Variants in DNAH7 observed in about 807,000 individuals in gnomAD.
The protein encoded by DNAH7 is axonemal beta dynein heavy chain 7.
Under a neutral mutation model 444.6 loss-of-function variants are expected in DNAH7, and 397 were observed. The observed-to-expected ratio is 0.89, with a 90% confidence interval of 0.82 to 0.97. The LOEUF is 0.97. Among genes scored for constraint, DNAH7 ranks in the 50% least tolerant of loss-of-function variants. The pLI is 0.00. For synonymous variants in DNAH7, 1,636 were observed against 1,624.4 expected (o/e 1.01, Z -0.17); for missense variants, 4,902 against 4,800.8 (o/e 1.02, Z -0.62).
chr2:195,914,733 G>A (rs1455086919), intron 24 of DNAH7, among the ~76,000 whole-genome samples: 1 of 152,030 alleles, frequency 6.6e-6, no homozygotes, highest in Admixed American at 6.5e-5. Context: ...GCAAAATCTT[G>A]GCCCACTGCA....
chr2:195,797,647 C>T (rs1272759305), intron 55 of DNAH7, among the ~76,000 whole-genome samples: 2 of 152,190 alleles, frequency 1.3e-5, no homozygotes, highest in Non-Finnish European at 2.9e-5. Context: ...TCCTACCCAC[C>T]ATTGCTCTTC....
chr2:195,924,105 T>A (rs1478770498), intron 22 of DNAH7, among the ~76,000 whole-genome samples: 1 of 152,170 alleles, frequency 6.6e-6, no homozygotes, highest in African/African-American at 2.4e-5. Flanking sequence ...CCACTCTCCA[T>A]GGCAATATGG....
chr2:195,923,454 G>A, intron 23 of DNAH7, 141 bp downstream of exon 23: 5 of 712,116 alleles, frequency 7.0e-6, no homozygotes, highest in Non-Finnish European at 9.5e-6. Context: ...TCAATATAAA[G>A]AAATGCTTAC....
At chr2:196,031,046 G>C (rs6434813) in intron 5 of DNAH7, among the ~76,000 whole-genome samples, 109,994 of 152,164 alleles carry the variant, frequency 0.72, 39,941 homozygotes, top group East Asian at 0.9. Flanking sequence ...ATCAGAGGTT[G>C]TCCATGAGGG....
At chr2:195,786,411 C>T (rs950306163) in intron 58 of DNAH7, among the ~76,000 whole-genome samples, 1 of 152,074 alleles carries the variant, frequency 6.6e-6, no homozygotes, top group African/African-American at 2.4e-5. Flanking sequence ...TCAAAAATCC[C>T]ATTGATAAAT....
intron 19 of DNAH7, among the ~76,000 whole-genome samples, chr2:195,943,311 A>T (rs1166076659): frequency 1.3e-5 from 2 of 152,194 alleles, no homozygotes; most frequent in Admixed American, 1.3e-4. Context: ...CAATATTCAT[A>T]GTAGGACCTT....
At chr2:195,876,420 A>C in intron 37 of DNAH7, 124 bp downstream of exon 37, 1 of 938,202 alleles carries the variant, frequency 1.1e-6, no homozygotes, top group South Asian at 1.8e-5. Context: ...AGAACCTTTT[A>C]ATCCAAATTT....
chr2:195,818,317 T>C (rs1697313384), intron 49 of DNAH7, among the ~76,000 whole-genome samples: 1 of 152,228 alleles, frequency 6.6e-6, no homozygotes, highest in South Asian at 2.1e-4. Context: ...TAGTTACTTG[T>C]CATGAGTGAA....
intron 60 of DNAH7, among the ~76,000 whole-genome samples, chr2:195,773,748 A>G (rs1694945440): frequency 6.6e-6 from 1 of 152,222 alleles, no homozygotes; most frequent in Non-Finnish European, 1.5e-5. Flanking sequence ...TAACCTTTTC[A>G]GAGATCCTAG....
Position 195,907,069 on chromosome 2 carries a change from GT to G in DNAH7, c.4105-61del, listed in dbSNP as rs1180430262. ...ATCTGATTCAATGTTGCAATGAAAT[GT>G]TGTATTTTCACCTGATCTTTTCAAG... On this transcript the variant is annotated intron_variant, in intron 25 of 64. Transcript: ENST00000312428. The G allele has an allele frequency of 3.8e-6, 5 of 1,322,504 alleles. No homozygotes were observed. The Admixed American group carries it at 7.9e-5, about 21-fold the overall frequency. The allele number at this position is 1,322,504 out of a possible 1,614,324, so 81.9% of individuals were successfully genotyped here. A position where few individuals can be genotyped will look rare whatever the true frequency, so the allele number is the denominator to read the frequency against.
At chr2:195,904,732 T>C (rs1285776472) in intron 27 of DNAH7, 2 of 151,938 alleles carry the variant, frequency 1.3e-5, no homozygotes, top group Non-Finnish European at 2.9e-5. Context: ...GGGGACCAGG[T>C]CAGTACAGCA....
chr2:195,872,456 C>A lies in DNAH7; in HGVS notation c.6427G>T (p.Asp2143Tyr). The A allele has an allele frequency of 6.3e-7, 1 of 1,585,188 alleles. No individual in the cohort carries two copies. The highest frequency in any genetic ancestry group is 8.6e-7 in the Non-Finnish European group (1 of 1,166,150). The change falls in exon 40 of 65, where the codon GAT becomes TAT. Residue 2143 changes from aspartate (D) to tyrosine (Y), a missense_variant. Transcript: ENST00000312428. ...TGTGTGGTCAAATCTAGAAATTCAT[C>A]TGGAAATTTATAACTTAAAAATTTT... Reference protein sequence around the residue: ...WHLEICYKFPDEFLDLTTQIV... With the variant: ...WHLEICYKFPYEFLDLTTQIV...
intron 17 of DNAH7, among the ~76,000 whole-genome samples, chr2:195,966,074 G>C (rs887575311): frequency 2.0e-5 from 3 of 151,164 alleles, no homozygotes; most frequent in Non-Finnish European, 4.4e-5. Flanking sequence ...TGTTTGTTTT[G>C]GTGTAGGTAC....
intron 49 of DNAH7, among the ~76,000 whole-genome samples, chr2:195,820,083 G>A (rs935587283): frequency 2.6e-5 from 4 of 152,126 alleles, no homozygotes; most frequent in South Asian, 2.1e-4. Context: ...ATGACCCAAG[G>A]AGCACTCTTC....
chr2:195,769,493 A>G (rs1020747865), intron 61 of DNAH7, among the ~76,000 whole-genome samples: 7 of 152,106 alleles, frequency 4.6e-5, no homozygotes, highest in Admixed American at 2.0e-4. Context: ...CAACCTTGAC[A>G]TTAAACCCTG....
chr2:196,058,199 A>C (rs926196891), intron 1 of DNAH7, 83 bp from the exon 2 acceptor site: 1 of 1,048,754 alleles, frequency 9.5e-7, no homozygotes, highest in Admixed American at 2.5e-5. Context: ...TACAGTGTTT[A>C]TTGTAAGCAT....
chr2:196,060,513 G>A lies in DNAH7; in HGVS notation c.16-2397C>T, dbSNP rs74616053. On this transcript the variant is annotated intron_variant, in intron 1 of 64. Transcript: ENST00000312428. ...CACTTGGCCTTTAATACATTTTTCA[G>A]TCAACTACTAAAGGACATTGTTTTT... Among the ~76,000 whole-genome samples the A allele has an allele frequency of 7.8e-3, 1,186 of 152,210 alleles. 11 individuals are homozygous for A. Among genetic ancestry groups the A allele is most frequent in the Middle Eastern group, 0.017 (5 of 294 alleles).
intron 19 of DNAH7, among the ~76,000 whole-genome samples, chr2:195,949,232 C>T (rs771196717): frequency 3.3e-5 from 5 of 152,140 alleles, no homozygotes; most frequent in Non-Finnish European, 7.3e-5. Context: ...ATGTCATCTG[C>T]AAACAGAGAC....
At chr2:196,046,136 T>C (rs562472882) in intron 5 of DNAH7, among the ~76,000 whole-genome samples, 2 of 151,928 alleles carry the variant, frequency 1.3e-5, no homozygotes, top group East Asian at 3.9e-4. Flanking sequence ...TTTAAATGTA[T>C]AGCTGAGCTT....
Sources: allele counts gnomAD v4.1 joint callset (sites outside exome capture counted in the v4.1 genomes callset), GRCh38; gene constraint gnomAD v4.1.1; transcripts MANE v1.5; gene names NCBI Gene and HGNC (gene_info 2026-07-23, HGNC 2026-07-21).